CCDC12: variants seen among roughly 807,000 people sequenced by gnomAD.
CCDC12 encodes coiled-coil domain containing 12.
A neutral mutation model predicts 25.7 loss-of-function variants in CCDC12; 28 were observed. The observed-to-expected ratio is 1.09, with a 90% CI of 0.81 to 1.50. CCDC12 has a LOEUF of 1.50. Ranked by LOEUF, CCDC12 falls within the 40% of genes most tolerant of loss-of-function variation. CCDC12 has a pLI of 0.00. For missense variants in CCDC12, 198 were observed against 210.0 expected, an observed-to-expected ratio of 0.94 and a Z score of 0.35; for synonymous variants, 75 against 87.7, an observed-to-expected ratio of 0.86 and a Z score of 0.81.
intron 1 of CCDC12, chr3:46,976,289 G>A (rs2034985579): frequency 1.7e-6 from 2 of 1,145,428 alleles, no homozygotes; most frequent in Non-Finnish European, 2.2e-6. Flanking sequence ...GGCCATAGAG[G>A]AACGGAACAA....
chr3:46,973,484 A>T (rs2034869411), intron 1 of CCDC12, among the ~76,000 whole-genome samples: 1 of 151,246 alleles, frequency 6.6e-6, no homozygotes, highest in African/African-American at 2.4e-5. Context: ...AACAAGAGCG[A>T]AACTCCATCT....
chr3:46,935,354 C>T (rs144474782), intron 2 of CCDC12, among the ~76,000 whole-genome samples: 94 of 152,294 alleles, frequency 6.2e-4, no homozygotes, highest in African/African-American at 2.1e-3. Context: ...TGCCTCCTCC[C>T]TTCTCCTCCC....
chr3:46,933,269 T>A (rs576806016), intron 2 of CCDC12, among the ~76,000 whole-genome samples: 1 of 152,200 alleles, frequency 6.6e-6, no homozygotes, highest in African/African-American at 2.4e-5. Context: ...ATTACAATTT[T>A]AGGTCACAGG....
chr3:46,954,273 G>T (rs2034219043), intron 1 of CCDC12, among the ~76,000 whole-genome samples: 2 of 152,196 alleles, frequency 1.3e-5, no homozygotes, highest in South Asian at 4.1e-4. Context: ...CACAAACTCT[G>T]GCTGGTAGAT....
intron 1 of CCDC12, among the ~76,000 whole-genome samples, chr3:46,967,286 C>T (rs190271311): frequency 1.3e-5 from 2 of 152,224 alleles, no homozygotes; most frequent in Admixed American, 6.5e-5. Context: ...CACAGTCATC[C>T]AAGGGCATGT....
chr3:46,954,880 A>C (rs1341676560), intron 1 of CCDC12, among the ~76,000 whole-genome samples: 1 of 152,122 alleles, frequency 6.6e-6, no homozygotes, highest in African/African-American at 2.4e-5. Flanking sequence ...CCAAGACTGC[A>C]CCACTGCACT....
intron 1 of CCDC12, among the ~76,000 whole-genome samples, chr3:46,956,218 G>A (rs1009134171): frequency 3.9e-5 from 6 of 152,336 alleles, no homozygotes; most frequent in African/African-American, 1.4e-4. Flanking sequence ...TCAGATATGA[G>A]CTGATAGAGG....
intron 2 of CCDC12, 119 bp from the exon 3 acceptor site, chr3:46,925,654 T>TAG: frequency 1.2e-6 from 1 of 867,916 alleles, no homozygotes; most frequent in South Asian, 1.8e-5. Flanking sequence ...TCTCTGGAGA[T>TAG]AGCCTGGTAA....
At chr3:46,942,868 A>G (rs2033763466) in intron 1 of CCDC12, among the ~76,000 whole-genome samples, 1 of 152,098 alleles carries the variant, frequency 6.6e-6, no homozygotes, top group African/African-American at 2.4e-5. Flanking sequence ...GTGATACAGC[A>G]TAGGGGGAGA....
chr3:46,921,958 A>G lies in CCDC12; in HGVS notation c.*99T>C, dbSNP rs570448576. The stretch of plus-strand genomic sequence containing the variant: ...GATGGGCAGGGAGTCTCTGCTCAGA[A>G]GCCAAACTGGAGGTGATGGCAAGCC... On this transcript the variant is annotated 3_prime_UTR_variant, in exon 7 of 7. Transcript: ENST00000683445. The G allele has an allele frequency of 4.9e-5, 65 of 1,318,100 alleles. 1 individual carries two copies. The South Asian group carries it at 7.9e-4, about 16-fold the overall frequency. 81.7% of individuals were successfully genotyped at this position (1,318,100 alleles called of 1,614,324 possible). A position where few individuals can be genotyped will look rare whatever the true frequency, so the allele number is the denominator to read the frequency against.
At chr3:46,945,007 C>A (rs1192641483) in intron 1 of CCDC12, among the ~76,000 whole-genome samples, 1 of 152,210 alleles carries the variant, frequency 6.6e-6, no homozygotes, top group African/African-American at 2.4e-5. Flanking sequence ...TCCTAAAGGC[C>A]AGGCCAAAGG....
chr3:46,954,350 G>A (rs1467238070), intron 1 of CCDC12, among the ~76,000 whole-genome samples: 3 of 152,218 alleles, frequency 2.0e-5, no homozygotes, highest in Non-Finnish European at 4.4e-5. Context: ...GTTCACTTTC[G>A]CTGGATCCAA....
chr3:46,923,403 C>A (rs1178793482), intron 4 of CCDC12, 40 bp from the exon 5 acceptor site: 1 of 1,547,526 alleles, frequency 6.5e-7, no homozygotes, highest in Non-Finnish European at 8.7e-7. Flanking sequence ...GGAGGGGCCA[C>A]CCCAGGACAA....
chr3:46,963,902 T>C (rs1034142958), intron 1 of CCDC12, among the ~76,000 whole-genome samples: 2 of 151,616 alleles, frequency 1.3e-5, no homozygotes, highest in African/African-American at 4.9e-5. Flanking sequence ...GAGGAGCATC[T>C]CTGCCTGGCC....
intron 1 of CCDC12, chr3:46,976,407 C>T: frequency 1.4e-6 from 2 of 1,416,468 alleles, no homozygotes; most frequent in East Asian, 2.6e-5. Flanking sequence ...CTGACCACTG[C>T]CTTGCCCACC....
intron 2 of CCDC12, among the ~76,000 whole-genome samples, chr3:46,936,283 C>A (rs2033438222): frequency 6.6e-6 from 1 of 152,240 alleles, no homozygotes; most frequent in African/African-American, 2.4e-5. Flanking sequence ...CTTATTTCTA[C>A]TCCCATCCAT....
intron 5 of CCDC12, 92 bp from the exon 6 acceptor site, chr3:46,922,404 G>A (rs1262532394): frequency 4.9e-6 from 7 of 1,426,126 alleles, no homozygotes; most frequent in East Asian, 2.3e-5. Context: ...CTGGCATTAG[G>A]AGTCATGCTC....
At chr3:46,930,756 C>T (rs2033173845) in intron 2 of CCDC12, among the ~76,000 whole-genome samples, 1 of 152,212 alleles carries the variant, frequency 6.6e-6, no homozygotes. Context: ...CTTAAAGAGC[C>T]AGCTCCAGGA....
At chr3:46,938,783 T>C (rs781302092) in intron 2 of CCDC12, among the ~76,000 whole-genome samples, 1 of 151,686 alleles carries the variant, frequency 6.6e-6, no homozygotes, top group African/African-American at 2.4e-5. Context: ...GGGAGCCACG[T>C]GGAGGTTGCA....
Sources: gnomAD v4.1 joint callset for allele counts (sites outside exome capture counted in the v4.1 genomes callset) on GRCh38, gnomAD v4.1.1 for gene constraint, MANE v1.5 for transcripts, NCBI Gene and HGNC (gene_info 2026-07-23, HGNC 2026-07-21) for gene names.